The following RPTOR variants were observed in gnomAD, a reference collection of about 807,000 sequenced individuals.
RPTOR encodes regulatory-associated protein of mTOR.
RPTOR carries 21 observed loss-of-function variants against 169.9 expected under a neutral mutation model. The ratio of observed to expected loss-of-function variants is 0.12; its 90% CI spans 0.09 to 0.18. RPTOR has a LOEUF of 0.18. RPTOR is among the 10% of genes least tolerant of loss of function. The pLI is 1.00. For missense variants in RPTOR, 1,133 were observed against 1,855.9 expected, an observed-to-expected ratio of 0.61 and a Z score of 7.16; for synonymous variants, 732 against 753.2, an observed-to-expected ratio of 0.97 and a Z score of 0.46.
At chr17:80,632,508 G>A (rs1193910738) in intron 2 of RPTOR, among the ~76,000 whole-genome samples, 1 of 152,178 alleles carries the variant, frequency 6.6e-6, no homozygotes, top group Admixed American at 6.5e-5. Context: ...TTCTTTCTTG[G>A]TGTGAAAGAT....
chr17:80,841,257 C>A (rs1215674255), intron 10 of RPTOR, among the ~76,000 whole-genome samples: 1 of 103,932 alleles, frequency 9.6e-6, no homozygotes, highest in Non-Finnish European at 2.0e-5. Flanking sequence ...TCACTCTCAC[C>A]GCACCGCAGC....
rs573275060 is a variant in RPTOR, at chr17:80,823,917, A to G, written c.1136+694A>G. 6.6e-5 allele frequency among the ~76,000 whole-genome samples: 10 copies of G among 152,254 alleles called. No individual in the cohort carries two copies. The highest frequency in any genetic ancestry group is 1.7e-4 in the African/African-American group (7 of 41,464). ...AAAGGAAAAATATTTCTGTTCATCA[A>G]TGGGAGAAACCCTAACAACACAAAT... On this transcript the variant is annotated intron_variant, in intron 9 of 33. Coordinates refer to ENST00000306801, the MANE Select transcript of RPTOR (RefSeq NM_020761.3). The surrounding 1 kb of genome is among the most constrained non-coding windows in gnomAD (Gnocchi z 4.5).
chr17:80,866,399 G>A (rs77098021), intron 13 of RPTOR, among the ~76,000 whole-genome samples: 9,053 of 152,204 alleles, frequency 0.059, 512 homozygotes, highest in African/African-American at 0.14. Context: ...AGAGGGCAGC[G>A]TGAGTGGAGT....
At chr17:80,899,153 A>G (rs12232521) in intron 20 of RPTOR, among the ~76,000 whole-genome samples, 110,566 of 152,186 alleles carry the variant, frequency 0.73, 40,579 homozygotes, top group Admixed American at 0.79. Flanking sequence ...TTGGCTGTCC[A>G]CTAAAATATG....
In RPTOR at chr17:80,856,782, G is replaced by T. The variant is rs142650608; in HGVS notation, c.1399-1008G>T. Among the ~76,000 whole-genome samples, 29 of 152,294 alleles carry T rather than the reference G, an allele frequency of 1.9e-4. No homozygotes were observed. The East Asian group carries it at 5.6e-3, about 29-fold the overall frequency. On this transcript the variant is annotated intron_variant, in intron 12 of 33. Transcript: ENST00000306801. ...GTTTAGAAAGAGTTTCATTTTTAAGGTTAATTTTTTAAAACCAGTTTCTTC... is the reference window on the plus strand; with the variant it reads ...GTTTAGAAAGAGTTTCATTTTTAAGTTTAATTTTTTAAAACCAGTTTCTTC...
intron 3 of RPTOR, among the ~76,000 whole-genome samples, chr17:80,684,022 C>T (rs1335175146): frequency 1.3e-5 from 2 of 152,186 alleles, no homozygotes; most frequent in Non-Finnish European, 2.9e-5. Context: ...ATTGCCGTCT[C>T]GTACCATCGT....
At chr17:80,666,010 T>C (rs995491714) in intron 3 of RPTOR, among the ~76,000 whole-genome samples, 3 of 152,210 alleles carry the variant, frequency 2.0e-5, no homozygotes, top group Non-Finnish European at 4.4e-5. Context: ...GTGAAATGTT[T>C]ACCATGCCTT....
At chr17:80,570,230 C>T (rs1195166292) in intron 1 of RPTOR, among the ~76,000 whole-genome samples, 2 of 152,056 alleles carry the variant, frequency 1.3e-5, no homozygotes, top group Non-Finnish European at 2.9e-5. Context: ...CTGTATGACT[C>T]GTTGTTCAAT....
intron 23 of RPTOR, chr17:80,923,951 C>A: frequency 2.2e-6 from 1 of 447,024 alleles, no homozygotes; most frequent in South Asian, 4.5e-5. Flanking sequence ...TCCCGGTTCT[C>A]CGCCCCTGGT....
At chr17:80,751,341 G>T (rs931899686) in intron 5 of RPTOR, among the ~76,000 whole-genome samples, 4 of 152,190 alleles carry the variant, frequency 2.6e-5, no homozygotes, top group Non-Finnish European at 5.9e-5. Context: ...CACTCTGGAC[G>T]CATGTGCTGG....
intron 1 of RPTOR, among the ~76,000 whole-genome samples, chr17:80,556,026 GTT>G (rs780152315): frequency 6.8e-6 from 1 of 146,828 alleles, no homozygotes; most frequent in African/African-American, 2.5e-5. Context: ...AAAGTTTTTT[GTT>G]TTTTTTTTCT....
At chr17:80,804,059 A>C (rs1043336854) in intron 7 of RPTOR, among the ~76,000 whole-genome samples, 1 of 152,250 alleles carries the variant, frequency 6.6e-6, no homozygotes, top group Admixed American at 6.5e-5. Context: ...TAATGGGTCT[A>C]CAGGGGCCTG....
intron 6 of RPTOR, among the ~76,000 whole-genome samples, chr17:80,772,440 C>T (rs1292169873): frequency 7.9e-6 from 1 of 126,122 alleles, no homozygotes; most frequent in Non-Finnish European, 1.7e-5. Context: ...TGTCTCTCCC[C>T]CCACATGCCT....
At chr17:80,776,765 C>G (rs2066895715) in intron 6 of RPTOR, among the ~76,000 whole-genome samples, 1 of 152,192 alleles carries the variant, frequency 6.6e-6, no homozygotes, top group African/African-American at 2.4e-5. Context: ...AGACTGTATT[C>G]TGCAGGTCCT....
chr17:80,665,421 TCC>T (rs1567846217), intron 3 of RPTOR, among the ~76,000 whole-genome samples: 178 of 11,946 alleles, frequency 0.015, 13 homozygotes, highest in African/African-American at 0.042. Flanking sequence ...TCCTTTCCTT[TCC>T]TTTCCTTTCC....
intron 6 of RPTOR, among the ~76,000 whole-genome samples, chr17:80,779,548 T>C (rs772591901): frequency 1.3e-5 from 2 of 152,088 alleles, no homozygotes; most frequent in Non-Finnish European, 2.9e-5. Context: ...TGTGTGAACA[T>C]TGAGATGTGC....
intron 6 of RPTOR, among the ~76,000 whole-genome samples, chr17:80,779,678 C>T (rs1021535688): frequency 2.6e-5 from 4 of 152,076 alleles, no homozygotes; most frequent in Non-Finnish European, 4.4e-5. Context: ...GCTGACCTAG[C>T]GTCGCAACCA....
chr17:80,844,868 T>C lies in RPTOR; in HGVS notation c.1213-1605T>C, dbSNP rs1259962437. ...AGCGGAGGGAGGGTTCCTCCCGACCTCCTCTCAGAGACACGCACCTCCACT... is the reference window on the plus strand; with the variant it reads ...AGCGGAGGGAGGGTTCCTCCCGACCCCCTCTCAGAGACACGCACCTCCACT... On this transcript the variant is annotated intron_variant, in intron 10 of 33. Coordinates refer to ENST00000306801, the MANE Select transcript of RPTOR (RefSeq NM_020761.3). This position sits in a 1 kb window ranked among gnomAD's most constrained non-coding sequence, Gnocchi z 4.7. Among the ~76,000 whole-genome samples the C allele has an allele frequency of 1.3e-5, 2 of 151,780 alleles. No individual in the cohort carries two copies. The highest frequency in any genetic ancestry group is 2.9e-5 in the Non-Finnish European group (2 of 67,966).
intron 2 of RPTOR, among the ~76,000 whole-genome samples, chr17:80,634,785 G>A (rs2065490542): frequency 6.8e-6 from 1 of 147,168 alleles, no homozygotes. Context: ...TGTACTGTGT[G>A]CATGTGCATA....
Sources: allele counts gnomAD v4.1 joint callset (sites outside exome capture counted in the v4.1 genomes callset), GRCh38; gene constraint gnomAD v4.1.1; non-coding constraint Gnocchi (gnomAD v3.1); transcripts MANE v1.5; gene names NCBI Gene and HGNC (gene_info 2026-07-23, HGNC 2026-07-21).